The following AGO4 variants were observed in gnomAD, a reference collection of about 807,000 sequenced individuals.
AGO4 encodes protein argonaute-4.
AGO4 carries 33 observed loss-of-function variants against 104.7 expected under a neutral mutation model. The observed-to-expected ratio is 0.32, with a 90% CI of 0.24 to 0.42. The LOEUF is 0.42. Ranked by LOEUF, AGO4 falls within the 10% of genes least tolerant of loss-of-function variation. The probability of loss-of-function intolerance (pLI) is 1.00; values close to 1 mark genes in which losing one functional copy is unlikely to be tolerated. For missense variants in AGO4, 711 were observed against 1,083.4 expected (o/e 0.66, Z 4.83); for synonymous variants, 331 against 364.7 (o/e 0.91, Z 1.05).
At chr1:35,811,156 A>C (rs541789265) in intron 1 of AGO4, among the ~76,000 whole-genome samples, 6,853 of 151,416 alleles carry the variant, frequency 0.045, 214 homozygotes, top group South Asian at 0.065. Context: ...ACAACAAAAA[A>C]AAACCAACCA....
chr1:35,836,032 C>G, intron 13 of AGO4, 39 bp downstream of exon 13: 4 of 1,592,554 alleles, frequency 2.5e-6, no homozygotes, highest in South Asian at 2.3e-5. Flanking sequence ...TGTTTAAGAT[C>G]TAACTTACAT....
At chr1:35,837,914 A>G in intron 13 of AGO4, among the ~76,000 whole-genome samples, 1 of 151,368 alleles carries the variant, frequency 6.6e-6, no homozygotes. Flanking sequence ...ACAAGGTCTC[A>G]CTCTGTCACC....
chr1:35,816,666 G>T (rs989915859), intron 1 of AGO4, among the ~76,000 whole-genome samples: 4 of 151,992 alleles, frequency 2.6e-5, no homozygotes, highest in African/African-American at 9.7e-5. Context: ...AGGCCTGGTG[G>T]CAGGCTCCTG....
intron 15 of AGO4, among the ~76,000 whole-genome samples, chr1:35,842,222 G>A (rs1466418513): frequency 6.6e-6 from 1 of 152,118 alleles, no homozygotes; most frequent in Admixed American, 6.5e-5. Flanking sequence ...CTGCACAGCA[G>A]GTGAGTGGTC....
At chr1:35,817,134 T>C (rs1179656980) in intron 2 of AGO4, 87 bp downstream of exon 2, 1 of 1,320,118 alleles carries the variant, frequency 7.6e-7, no homozygotes, top group Non-Finnish European at 1.0e-6. Context: ...TCATCCAACA[T>C]GTAGGCTTTG....
chr1:35,808,564 C>T lies in AGO4; in HGVS notation c.19+129C>T. 1 of 866,302 alleles carries T rather than the reference C, an allele frequency of 1.2e-6. No individual in the cohort carries two copies. Among genetic ancestry groups the T allele is most frequent in the Non-Finnish European group, 1.4e-6 (1 of 694,186 alleles). The allele number at this position is 866,302 out of a possible 1,614,324, so 53.7% of individuals were successfully genotyped here. A position where few individuals can be genotyped will look rare whatever the true frequency, so the allele number is the denominator to read the frequency against. ...GCCTCGGGGAAGGGGACCCGAGCCC[C>T]GCAGCACGAAGCGGAGGGAGCTGAC... On this transcript the variant is annotated intron_variant, in intron 1 of 17. Coordinates refer to ENST00000373210, the MANE Select transcript of AGO4 (RefSeq NM_017629.4). The surrounding 1 kb of genome is among the most constrained non-coding windows in gnomAD (Gnocchi z 5.2).
intron 2 of AGO4, among the ~76,000 whole-genome samples, chr1:35,818,706 G>C (rs6685336): frequency 2.2e-4 from 33 of 151,650 alleles, no homozygotes; most frequent in Admixed American, 9.2e-4. Flanking sequence ...AGGAAGGAAA[G>C]AAACAAACAG....
At chr1:35,830,143 CAAAAA>C (rs68143333) in intron 7 of AGO4, among the ~76,000 whole-genome samples, 2 of 100,262 alleles carry the variant, frequency 2.0e-5, no homozygotes. Flanking sequence ...GACTCTGTCT[CAAAAA>C]AAAAAAAAAA....
chr1:35,808,349 C>A lies in AGO4; in HGVS notation c.-68C>A. 1.1e-6 allele frequency: 1 copy of A among 942,874 alleles called. No homozygotes were observed. The highest frequency in any genetic ancestry group is 1.3e-6 in the Non-Finnish European group (1 of 786,570). The allele number at this position is 942,874 out of a possible 1,614,324, so 58.4% of individuals were successfully genotyped here. Reference sequence around the variant, plus strand: ...GAGATCAAGCGTTACGCGGCGGCGGCGGCGGCGGCGGCGGGGCCCGGAGCG... The same window carrying A: ...GAGATCAAGCGTTACGCGGCGGCGGAGGCGGCGGCGGCGGGGCCCGGAGCG... On this transcript the variant is annotated 5_prime_UTR_variant, in exon 1 of 18. Transcript: ENST00000373210. This position sits in a 1 kb window ranked among gnomAD's most constrained non-coding sequence, Gnocchi z 5.2.
intron 4 of AGO4, 68 bp from the exon 5 acceptor site, chr1:35,825,611 G>A (rs1644000314): frequency 3.3e-6 from 5 of 1,531,276 alleles, no homozygotes; most frequent in Non-Finnish European, 4.4e-6. Flanking sequence ...TCAGCTCCCA[G>A]AGTTGAGAGT....
intron 15 of AGO4, among the ~76,000 whole-genome samples, chr1:35,845,277 G>A (rs140039369): frequency 3.5e-5 from 5 of 142,962 alleles, no homozygotes; most frequent in African/African-American, 7.8e-5. Context: ...TCATGATCTC[G>A]GCTTGCTGCA....
At position 35,838,920 on chromosome 1, in the gene AGO4, C is replaced by CTT. The variant is rs144542188; in HGVS notation, c.1725-2236_1725-2235dup. ...TCTTACGCAATCATATCACAGTTCTCTTTTTTTTTTAATTTAATCTTAGCA... is the reference window on the plus strand; with the variant it reads ...TCTTACGCAATCATATCACAGTTCTCTTTTTTTTTTTTAATTTAATCTTAGCA... On this transcript the variant is annotated intron_variant, in intron 13 of 17. Coordinates refer to ENST00000373210, the MANE Select transcript of AGO4 (RefSeq NM_017629.4). Among the ~76,000 whole-genome samples the CTT allele has an allele frequency of 5.0e-3, 746 of 148,664 alleles. 12 individuals carry two copies. The highest frequency in any genetic ancestry group is 0.017 in the African/African-American group (711 of 40,640).
chr1:35,825,762 G>A lies in AGO4; in HGVS notation c.572G>A (p.Gly191Asp). The A allele has an allele frequency of 1.9e-6, 3 of 1,597,072 alleles. No individual in the cohort carries two copies. Among genetic ancestry groups the A allele is most frequent in the Non-Finnish European group, 2.6e-6 (3 of 1,173,942 alleles). Residue 191 changes from glycine to aspartate, a missense_variant, in exon 5 of 18, where the codon GGT becomes GAT. Transcript: ENST00000373210. ...PLGGGREVWF[G>D]FHQSVRPAMW... ...GGAGGGGGCAGGGAGGTCTGGTTTG[G>A]TTTTCATCAGTCTGTGAGACCTGCC...
intron 12 of AGO4, 120 bp downstream of exon 12, chr1:35,834,294 G>A: frequency 1.1e-6 from 1 of 926,634 alleles, no homozygotes; most frequent in East Asian, 3.1e-5. Flanking sequence ...CAACAACAAA[G>A]ATTTGTTTCT....
chr1:35,826,355 T>G (rs926338319), intron 6 of AGO4, among the ~76,000 whole-genome samples: 5 of 152,222 alleles, frequency 3.3e-5, no homozygotes, highest in Non-Finnish European at 4.4e-5. Flanking sequence ...CTTACCCACT[T>G]AAGAACTTCC....
At chr1:35,810,628 C>T (rs923145051) in intron 1 of AGO4, among the ~76,000 whole-genome samples, 1 of 152,102 alleles carries the variant, frequency 6.6e-6, no homozygotes, top group Non-Finnish European at 1.5e-5. Context: ...TTCCATTTTA[C>T]AGATGAGAAA....
chr1:35,816,765 C>G (rs1643714360), intron 1 of AGO4, 117 bp from the exon 2 acceptor site: 15 of 1,220,062 alleles, frequency 1.2e-5, no homozygotes, highest in Middle Eastern at 5.0e-4. Context: ...AGCCACTGCA[C>G]TCCACCCTGG....
At position 35,826,733 on chromosome 1, in the gene AGO4, TA is replaced by T. The variant is rs925163442; in HGVS notation, c.761-7del. 7 of 1,610,892 alleles carry T rather than the reference TA, an allele frequency of 4.3e-6. No individual in the cohort carries two copies. The African/African-American group carries it at 6.7e-5, about 15-fold the overall frequency. ...TTTAATTAACTGATGTTTTGCCTTT[TA>T]AAAAAAATTTCAGGTCTCAAAGTTG... On this transcript the variant is annotated splice_polypyrimidine_tract_variant and intron_variant, in intron 6 of 17. Transcript: ENST00000373210.
intron 17 of AGO4, chr1:35,851,271 A>G: frequency 3.5e-6 from 2 of 563,988 alleles, no homozygotes; most frequent in Non-Finnish European, 6.3e-6. Flanking sequence ...AAAGGAGTTT[A>G]ATTTGGAGCT....
Sources: allele counts gnomAD v4.1 joint callset (sites outside exome capture counted in the v4.1 genomes callset), GRCh38; gene constraint gnomAD v4.1.1; non-coding constraint Gnocchi (gnomAD v3.1); transcripts MANE v1.5; gene names NCBI Gene and HGNC (gene_info 2026-07-23, HGNC 2026-07-21).